Variants in PTPRM observed in about 807,000 individuals in gnomAD.
The protein encoded by PTPRM is protein tyrosine phosphatase receptor type M.
In PTPRM, 47 loss-of-function variants were observed where a neutral mutation model predicts 186.7. The ratio of observed to expected loss-of-function variants is 0.25; its 90% CI spans 0.20 to 0.32. The LOEUF is 0.32. Ranked by LOEUF, PTPRM falls within the 10% of genes least tolerant of loss-of-function variation. The pLI, the probability that PTPRM is intolerant of heterozygous loss-of-function variation, is 1.00. For missense variants in PTPRM, 1,494 were observed against 1,865.0 expected (o/e 0.80, Z 3.66); for synonymous variants, 668 against 674.9 (o/e 0.99, Z 0.16).
chr18:8,297,681 T>C (rs2095111439), intron 20 of PTPRM, among the ~76,000 whole-genome samples: 1 of 152,194 alleles, frequency 6.6e-6, no homozygotes, highest in South Asian at 2.1e-4. Context: ...GGCTACTACA[T>C]AGGGCAGCAC....
intron 1 of PTPRM, among the ~76,000 whole-genome samples, chr18:7,608,934 G>A (rs1251486730): frequency 3.9e-5 from 6 of 152,118 alleles, no homozygotes. Context: ...GAAACATCTG[G>A]AAAACTCTTA....
intron 14 of PTPRM, among the ~76,000 whole-genome samples, chr18:8,176,990 T>G (rs973929888): frequency 6.6e-6 from 1 of 152,228 alleles, no homozygotes; most frequent in African/African-American, 2.4e-5. Context: ...TTTTCTGCCC[T>G]TTTAAAAAAT....
intron 27 of PTPRM, among the ~76,000 whole-genome samples, chr18:8,378,833 G>T (rs1231921945): frequency 6.6e-6 from 1 of 152,062 alleles, no homozygotes; most frequent in Non-Finnish European, 1.5e-5. Flanking sequence ...ATTTTGTCCA[G>T]ATGTACCCGA....
intron 7 of PTPRM, among the ~76,000 whole-genome samples, chr18:8,022,760 A>G (rs564137514): frequency 6.6e-6 from 1 of 152,324 alleles, no homozygotes; most frequent in African/African-American, 2.4e-5. Flanking sequence ...CAATGACTTC[A>G]AATTCCTGAA....
chr18:8,164,446 A>C (rs1235081024), intron 14 of PTPRM, among the ~76,000 whole-genome samples: 1 of 152,238 alleles, frequency 6.6e-6, no homozygotes, highest in Non-Finnish European at 1.5e-5. Flanking sequence ...AGAAGCAACC[A>C]AGTGTCCTTT....
At chr18:8,181,303 T>C (rs1317186521) in intron 14 of PTPRM, among the ~76,000 whole-genome samples, 1 of 152,166 alleles carries the variant, frequency 6.6e-6, no homozygotes, top group African/African-American at 2.4e-5. Flanking sequence ...GTAATGTTGG[T>C]TAAATTAACA....
At chr18:7,691,148 T>C (rs549976354) in intron 1 of PTPRM, among the ~76,000 whole-genome samples, 1 of 152,296 alleles carries the variant, frequency 6.6e-6, no homozygotes, top group South Asian at 2.1e-4. Flanking sequence ...TGCATTATTC[T>C]AACCAACTTC....
At chr18:7,889,336 T>TCTC (rs1555633918) in intron 3 of PTPRM, among the ~76,000 whole-genome samples, 3 of 119,572 alleles carry the variant, frequency 2.5e-5, no homozygotes, top group African/African-American at 1.5e-4. Context: ...TTTCTTTCTT[T>TCTC]TTTTTTTTTT....
intron 14 of PTPRM, among the ~76,000 whole-genome samples, chr18:8,214,040 A>G (rs1052507178): frequency 3.3e-5 from 5 of 152,202 alleles, no homozygotes; most frequent in Non-Finnish European, 7.4e-5. Flanking sequence ...GTTCTCACTT[A>G]TAAGTGGGAG....
At chr18:8,120,132 A>G (rs1422952896) in intron 13 of PTPRM, among the ~76,000 whole-genome samples, 1 of 152,162 alleles carries the variant, frequency 6.6e-6, no homozygotes, top group Non-Finnish European at 1.5e-5. Context: ...CATAGGCAAT[A>G]CATTAACAAT....
chr18:7,766,401 G>A (rs1227001492), intron 1 of PTPRM, among the ~76,000 whole-genome samples: 4 of 152,228 alleles, frequency 2.6e-5, no homozygotes, highest in African/African-American at 7.2e-5. Flanking sequence ...TGGAGCTGAC[G>A]TTAGCCCAGG....
intron 19 of PTPRM, among the ~76,000 whole-genome samples, chr18:8,275,678 G>T (rs143353344): frequency 6.6e-6 from 1 of 152,104 alleles, no homozygotes; most frequent in Non-Finnish European, 1.5e-5. Flanking sequence ...CTAACTCCTC[G>T]AGAAAAGGGA....
At chr18:8,190,045 A>T (rs1275294467) in intron 14 of PTPRM, among the ~76,000 whole-genome samples, 1 of 152,192 alleles carries the variant, frequency 6.6e-6, no homozygotes, top group East Asian at 1.9e-4. Flanking sequence ...ATATATATTT[A>T]TGGTGTACAA....
chr18:7,965,498 T>C (rs191352472), intron 7 of PTPRM, among the ~76,000 whole-genome samples: 18 of 152,146 alleles, frequency 1.2e-4, no homozygotes, highest in African/African-American at 4.1e-4. Flanking sequence ...TTGAGTGAGA[T>C]TGGATGGCTG....
intron 1 of PTPRM, among the ~76,000 whole-genome samples, chr18:7,578,333 T>A (rs1412370972): frequency 2.8e-5 from 2 of 71,256 alleles, no homozygotes; most frequent in Non-Finnish European, 4.5e-5. Flanking sequence ...GGCTAATTAA[T>A]TTTTTTTTTT....
chr18:8,057,042 C>A (rs1169430824), intron 7 of PTPRM, among the ~76,000 whole-genome samples: 1 of 151,340 alleles, frequency 6.6e-6, no homozygotes, highest in African/African-American at 2.4e-5. Context: ...AACATAGCTT[C>A]AACTCTGCTA....
In PTPRM at chr18:7,939,231, G is replaced by A. The variant is rs116630737; in HGVS notation, c.664-9950G>A. On this transcript the variant is annotated intron_variant, in intron 5 of 32. Coordinates refer to ENST00000580170, the MANE Select transcript of PTPRM (RefSeq NM_001105244.2). Reference sequence around the variant, plus strand: ...TCACTATTGAAGAAATGAAAGTGCCGTTTAATCCCCACCTGTATGTCTGAG... The same window carrying A: ...TCACTATTGAAGAAATGAAAGTGCCATTTAATCCCCACCTGTATGTCTGAG... Among the ~76,000 whole-genome samples, 1,112 of 152,184 alleles carry A rather than the reference G, an allele frequency of 7.3e-3. 8 individuals are homozygous for A. The highest frequency in any genetic ancestry group is 0.025 in the African/African-American group (1,031 of 41,502).
At chr18:8,376,334 C>G (rs2095694707) in intron 25 of PTPRM, 128 bp from the exon 26 acceptor site, 2 of 1,533,554 alleles carry the variant, frequency 1.3e-6, no homozygotes, top group Non-Finnish European at 1.8e-6. Flanking sequence ...CACTAAATGC[C>G]ACTGGAGTGT....
rs558798591 is a variant in PTPRM, at chr18:7,679,572, C to T, written c.74-94577C>T. Among the ~76,000 whole-genome samples, 4 of 152,152 alleles carry T rather than the reference C, an allele frequency of 2.6e-5. No homozygotes were observed. In the South Asian group the frequency reaches 6.2e-4, roughly 24 times the overall value. On this transcript the variant is annotated intron_variant, in intron 1 of 32. Coordinates refer to ENST00000580170, the MANE Select transcript of PTPRM (RefSeq NM_001105244.2). The stretch of plus-strand genomic sequence containing the variant: ...CCCAGCTATTCGGGAGGCCGAGGCA[C>T]GAGAATCACTTGAACCCGGGAGGCA...
Sources: gnomAD v4.1 joint callset for allele counts (sites outside exome capture counted in the v4.1 genomes callset) on GRCh38, gnomAD v4.1.1 for gene constraint, MANE v1.5 for transcripts, NCBI Gene and HGNC (gene_info 2026-07-23, HGNC 2026-07-21) for gene names.